The following MAGI1 variants were observed in gnomAD, a reference collection of about 807,000 sequenced individuals.
MAGI1 encodes membrane associated guanylate kinase, WW and PDZ domain containing 1, also known as membrane-associated guanylate kinase, WW and PDZ domain-containing protein 1.
A neutral mutation model predicts 139.9 loss-of-function variants in MAGI1; 58 were observed. The ratio of observed to expected loss-of-function variants is 0.41; its 90% confidence interval spans 0.34 to 0.52. MAGI1 has a LOEUF of 0.52. MAGI1 is among the 20% of genes least tolerant of loss of function. The pLI, the probability that MAGI1 is intolerant of heterozygous loss-of-function variation, is 0.12. For missense variants in MAGI1, 1,874 were observed against 1,901.6 expected (o/e 0.99, Z 0.27); for synonymous variants, 812 against 737.9 (o/e 1.10, Z -1.63).
At chr3:65,403,670 AC>A (rs1945090445) in intron 12 of MAGI1, among the ~76,000 whole-genome samples, 3 of 152,218 alleles carry the variant, frequency 2.0e-5, no homozygotes, top group Non-Finnish European at 4.4e-5. Context: ...AAATTTGGAA[AC>A]AATCCCCCAT....
chr3:65,389,317 G>A (rs1016104645), intron 14 of MAGI1, among the ~76,000 whole-genome samples: 2 of 152,078 alleles, frequency 1.3e-5, no homozygotes, highest in African/African-American at 4.8e-5. Flanking sequence ...TGGCATTTGA[G>A]CAAGAGCCTT....
At chr3:65,402,568 A>G (rs1156533472) in intron 12 of MAGI1, among the ~76,000 whole-genome samples, 2 of 152,200 alleles carry the variant, frequency 1.3e-5, no homozygotes, top group East Asian at 1.9e-4. Flanking sequence ...AAAGCACACA[A>G]GAGATGCTTG....
rs772240870 is a variant in MAGI1, at chr3:66,006,899, T to C, written c.313+31097A>G. Among the ~76,000 whole-genome samples the C allele has an allele frequency of 5.3e-5, 8 of 152,094 alleles. No homozygotes were observed. The East Asian group carries it at 1.3e-3, about 26-fold the overall frequency. On this transcript the variant is annotated intron_variant, in intron 1 of 22. Transcript: ENST00000402939. ...AGTCTGGAATGTAGTAGCTCAATCATAGCTCACTGCAACCTCAAATTCCTA... is the reference window on the plus strand; with the variant it reads ...AGTCTGGAATGTAGTAGCTCAATCACAGCTCACTGCAACCTCAAATTCCTA...
chr3:65,668,726 G>A (rs2086677684), intron 1 of MAGI1, among the ~76,000 whole-genome samples: 1 of 151,256 alleles, frequency 6.6e-6, no homozygotes. Flanking sequence ...TGTAATTTTT[G>A]TACTTTTAGT....
chr3:65,758,990 C>A (rs1208610055), intron 1 of MAGI1, among the ~76,000 whole-genome samples: 1 of 142,504 alleles, frequency 7.0e-6, no homozygotes, highest in Non-Finnish European at 1.5e-5. Context: ...CTAATCCTTG[C>A]AAGCTTTCTC....
At chr3:65,927,655 A>G (rs74794998) in intron 1 of MAGI1, among the ~76,000 whole-genome samples, 2,005 of 152,304 alleles carry the variant, frequency 0.013, 37 homozygotes, top group African/African-American at 0.045. Flanking sequence ...TCAATCAATC[A>G]TTGGTAAAAT....
At chr3:65,656,205 C>G (rs1559759251) in intron 1 of MAGI1, among the ~76,000 whole-genome samples, 2 of 151,938 alleles carry the variant, frequency 1.3e-5, no homozygotes, top group Non-Finnish European at 2.9e-5. Context: ...AATTCTGGAC[C>G]ATATATTGAG....
At chr3:65,359,159 A>T in intron 22 of MAGI1, 3 of 1,613,032 alleles carry the variant, frequency 1.9e-6, no homozygotes, top group Non-Finnish European at 2.5e-6. Context: ...ATCGCTGTGG[A>T]AGGGAGGGCC....
intron 18 of MAGI1, among the ~76,000 whole-genome samples, chr3:65,372,335 T>C (rs1942080943): frequency 6.6e-6 from 1 of 152,170 alleles, no homozygotes; most frequent in Non-Finnish European, 1.5e-5. Context: ...AAAGAAATTT[T>C]TTTCCCCTAA....
chr3:65,568,341 T>C (rs894706987), intron 2 of MAGI1, among the ~76,000 whole-genome samples: 2 of 152,216 alleles, frequency 1.3e-5, no homozygotes, highest in South Asian at 4.1e-4. Flanking sequence ...GCACAGGAGC[T>C]AGAAAGCCCT....
At chr3:65,549,500 T>A in intron 2 of MAGI1, 1 of 985,252 alleles carries the variant, frequency 1.0e-6, no homozygotes, top group Non-Finnish European at 1.2e-6. Context: ...CCCGCGCGTC[T>A]GAGCGGCCCG....
At chr3:65,577,686 G>T (rs2081233643) in intron 2 of MAGI1, among the ~76,000 whole-genome samples, 1 of 152,166 alleles carries the variant, frequency 6.6e-6, no homozygotes, top group Admixed American at 6.5e-5. Context: ...CGTTTCTCCA[G>T]GTGAGCCCTG....
At chr3:65,945,771 T>C (rs1394048820) in intron 1 of MAGI1, among the ~76,000 whole-genome samples, 1 of 152,254 alleles carries the variant, frequency 6.6e-6, no homozygotes, top group East Asian at 1.9e-4. Context: ...TCTGTGAATC[T>C]GCTGTGATTC....
chr3:65,822,695 T>C (rs2042013027), intron 1 of MAGI1, among the ~76,000 whole-genome samples: 1 of 152,042 alleles, frequency 6.6e-6, no homozygotes, highest in Admixed American at 6.6e-5. Flanking sequence ...ACAATCATGG[T>C]AGAAGGTGAA....
At chr3:65,777,453 T>C (rs2038543116) in intron 1 of MAGI1, among the ~76,000 whole-genome samples, 1 of 152,094 alleles carries the variant, frequency 6.6e-6, no homozygotes, top group Non-Finnish European at 1.5e-5. Context: ...GGGACTATAT[T>C]TGGCATAAAT....
At chr3:65,767,433 C>T (rs532288192) in intron 1 of MAGI1, among the ~76,000 whole-genome samples, 8 of 151,520 alleles carry the variant, frequency 5.3e-5, no homozygotes, top group African/African-American at 1.9e-4. Flanking sequence ...GGTGAAATCT[C>T]GTTTCTACTA....
intron 1 of MAGI1, among the ~76,000 whole-genome samples, chr3:65,904,334 C>T (rs1475772293): frequency 6.6e-6 from 1 of 152,160 alleles, no homozygotes; most frequent in Non-Finnish European, 1.5e-5. Context: ...ATCTCAGGCC[C>T]CTTCTCACCT....
chr3:65,998,601 T>C (rs577934939), intron 1 of MAGI1, among the ~76,000 whole-genome samples: 5 of 152,344 alleles, frequency 3.3e-5, no homozygotes, highest in East Asian at 3.9e-4. Context: ...GACTAATCTG[T>C]TAGGCCTTCC....
intron 1 of MAGI1, among the ~76,000 whole-genome samples, chr3:66,011,779 C>T (rs2067332381): frequency 6.6e-6 from 1 of 151,496 alleles, no homozygotes; most frequent in African/African-American, 2.4e-5. Flanking sequence ...TAACCAATGT[C>T]CTATATGGTA....
Sources: gnomAD v4.1 joint callset for allele counts (sites outside exome capture counted in the v4.1 genomes callset) on GRCh38, gnomAD v4.1.1 for gene constraint, MANE v1.5 for transcripts, NCBI Gene and HGNC (gene_info 2026-07-23, HGNC 2026-07-21) for gene names.